The following ENTREP2 variants were observed in gnomAD, a reference collection of about 807,000 sequenced individuals.
ENTREP2 encodes endosomal transmembrane epsin interactor 2.
chr15:29,350,470 T>G, the ENTREP2 span, among the ~76,000 whole-genome samples: 1 of 152,352 alleles, frequency 6.6e-6, no homozygotes, highest in African/African-American at 2.4e-5. Context: ...ATTTCGTTAC[T>G]TTTCCTTTAA....
the ENTREP2 span, among the ~76,000 whole-genome samples, chr15:29,389,181 G>A: frequency 6.6e-6 from 1 of 150,882 alleles, no homozygotes; most frequent in African/African-American, 2.4e-5. Context: ...ATGCAAGTCA[G>A]GAAGGAGCCC....
At chr15:29,424,985 A>G in the ENTREP2 span, among the ~76,000 whole-genome samples, 3 of 152,146 alleles carry the variant, frequency 2.0e-5, no homozygotes, top group African/African-American at 4.8e-5. Flanking sequence ...TGCAAACACC[A>G]TAATGGGGTG....
the ENTREP2 span, among the ~76,000 whole-genome samples, chr15:29,626,564 G>A: frequency 2.0e-5 from 3 of 152,146 alleles, no homozygotes; most frequent in Non-Finnish European, 4.4e-5. Context: ...ATTAGCAGCA[G>A]GAGAACAGAC....
At chr15:29,238,399 G>C in the ENTREP2 span, among the ~76,000 whole-genome samples, 1 of 152,126 alleles carries the variant, frequency 6.6e-6, no homozygotes, top group Non-Finnish European at 1.5e-5. Context: ...TTGGGAGGCC[G>C]AGGTGGGCAG....
chr15:29,299,289 C>T, the ENTREP2 span, among the ~76,000 whole-genome samples: 1 of 152,176 alleles, frequency 6.6e-6, no homozygotes, highest in Non-Finnish European at 1.5e-5. Flanking sequence ...GTCATGAGGT[C>T]TGTGGGTCAG....
chr15:29,473,799 G>A, the ENTREP2 span, among the ~76,000 whole-genome samples: 7 of 152,180 alleles, frequency 4.6e-5, no homozygotes, highest in African/African-American at 9.7e-5. Flanking sequence ...TCAGGGCCCC[G>A]GCCGCAGCCA....
the ENTREP2 span, among the ~76,000 whole-genome samples, chr15:29,524,555 G>T: frequency 1.3e-5 from 2 of 152,206 alleles, no homozygotes; most frequent in Non-Finnish European, 2.9e-5. Context: ...ATTAGAAGCC[G>T]TAGGTCACGG....
the ENTREP2 span, among the ~76,000 whole-genome samples, chr15:29,538,249 T>A: frequency 6.6e-6 from 1 of 151,930 alleles, no homozygotes; most frequent in Non-Finnish European, 1.5e-5. Flanking sequence ...CGGCCTTGTG[T>A]TTTGTCCCAG....
chr15:29,251,025 G>A, the ENTREP2 span, among the ~76,000 whole-genome samples: 1 of 152,188 alleles, frequency 6.6e-6, no homozygotes, highest in African/African-American at 2.4e-5. Flanking sequence ...GCTGGCCTTC[G>A]TAGATAAGAA....
chr15:29,570,508 G>C, the ENTREP2 span: 3 of 1,374,552 alleles, frequency 2.2e-6, no homozygotes, highest in Admixed American at 3.1e-5. Flanking sequence ...CACTCACCGA[G>C]AAGCCTGCCC....
At chr15:29,200,724 A>G in the ENTREP2 span, among the ~76,000 whole-genome samples, 6 of 151,384 alleles carry the variant, frequency 4.0e-5, no homozygotes, top group South Asian at 2.1e-4. Flanking sequence ...AGGCCCAGCT[A>G]ATTTTTTTTG....
the ENTREP2 span, among the ~76,000 whole-genome samples, chr15:29,300,449 T>A: frequency 2.1e-5 from 3 of 144,136 alleles, no homozygotes; most frequent in Non-Finnish European, 3.0e-5. Context: ...ATGGGATGGA[T>A]GGATGTTGAG....
At chr15:29,514,695 A>G in the ENTREP2 span, among the ~76,000 whole-genome samples, 7 of 152,148 alleles carry the variant, frequency 4.6e-5, no homozygotes, top group African/African-American at 1.4e-4. Flanking sequence ...TAGCTATGCA[A>G]CCCACACCTG....
the ENTREP2 span, among the ~76,000 whole-genome samples, chr15:29,657,133 C>T: frequency 2.2e-4 from 33 of 152,238 alleles, no homozygotes; most frequent in South Asian, 2.1e-4. Flanking sequence ...CTGCAAGCTC[C>T]GCCTCCCCCG....
At chr15:29,399,127 C>T in the ENTREP2 span, among the ~76,000 whole-genome samples, 1 of 152,188 alleles carries the variant, frequency 6.6e-6, no homozygotes, top group African/African-American at 2.4e-5. Context: ...GGAAGCAGGG[C>T]TGAGTCACAC....
At chr15:29,181,362 C>T in the ENTREP2 span, among the ~76,000 whole-genome samples, 7 of 152,090 alleles carry the variant, frequency 4.6e-5, no homozygotes, top group Admixed American at 4.6e-4. Flanking sequence ...CTTCTGCAAA[C>T]TTTGTTTTCA....
chr15:29,150,325 G>A, the ENTREP2 span, among the ~76,000 whole-genome samples: 36 of 152,296 alleles, frequency 2.4e-4, no homozygotes, highest in African/African-American at 7.5e-4. Context: ...TGTTATACTC[G>A]TATATGCTCT....
At chr15:29,237,186 C>G in the ENTREP2 span, among the ~76,000 whole-genome samples, 2 of 152,126 alleles carry the variant, frequency 1.3e-5, no homozygotes, top group Non-Finnish European at 2.9e-5. Context: ...TGCCCATTTT[C>G]TAATTGGCTT....
At chr15:29,405,461 T>A in the ENTREP2 span, among the ~76,000 whole-genome samples, 5 of 151,892 alleles carry the variant, frequency 3.3e-5, no homozygotes, top group Non-Finnish European at 7.4e-5. Flanking sequence ...AGGGGCTTTC[T>A]TTATCCCTTG....
Sources: gnomAD v4.1 joint callset for allele counts (sites outside exome capture counted in the v4.1 genomes callset) on GRCh38, gnomAD v4.1.1 for gene constraint, MANE v1.5 for transcripts, NCBI Gene and HGNC (gene_info 2026-07-23, HGNC 2026-07-21) for gene names.